Variants in CPNE5 observed in about 807,000 individuals in gnomAD.
CPNE5 encodes the protein copine-5.
CPNE5 carries 42 observed loss-of-function variants against 81.1 expected under a neutral mutation model. That is an observed-to-expected ratio of 0.52 (90% CI 0.40 to 0.67). The LOEUF is 0.67. CPNE5 is among the 30% of genes least tolerant of loss of function. The probability of loss-of-function intolerance (pLI) is 0.00; values close to 1 mark genes in which losing one functional copy is unlikely to be tolerated. For missense variants in CPNE5, 612 were observed against 815.5 expected (o/e 0.75, Z 3.04); for synonymous variants, 313 against 321.5 (o/e 0.97, Z 0.28).
At chr6:36,833,251 T>A (rs373309741) in intron 1 of CPNE5, among the ~76,000 whole-genome samples, 1 of 152,210 alleles carries the variant, frequency 6.6e-6, no homozygotes. Context: ...AGCCTCAATT[T>A]CCTAATCAGC....
chr6:36,774,271 T>C (rs1486335437), intron 10 of CPNE5, among the ~76,000 whole-genome samples: 1 of 151,864 alleles, frequency 6.6e-6, no homozygotes, highest in East Asian at 1.9e-4. Flanking sequence ...GTCCCAACTA[T>C]ATTCAGGAGG....
Position 36,743,208 on chromosome 6 carries a change from T to G in CPNE5, c.1563+481A>C, listed in dbSNP as rs569225384. On this transcript the variant is annotated intron_variant, in intron 20 of 20. Coordinates refer to ENST00000244751, the MANE Select transcript of CPNE5 (RefSeq NM_020939.2). ...GGGGGAAGTGCTTGCGGAGGGTGCATTCTTCCACGTGAGACTGCATGGGAA... is the reference window on the plus strand; with the variant it reads ...GGGGGAAGTGCTTGCGGAGGGTGCAGTCTTCCACGTGAGACTGCATGGGAA... 1,077 of 985,414 alleles carry G rather than the reference T, an allele frequency of 1.1e-3. 2 individuals carry two copies. The highest frequency in any genetic ancestry group is 5.6e-3 in the Admixed American group (92 of 16,292). 61.0% of individuals were successfully genotyped at this position (985,414 alleles called of 1,614,324 possible). A position where few individuals can be genotyped will look rare whatever the true frequency, so the allele number is the denominator to read the frequency against.
Position 36,743,682 on chromosome 6 carries a change from G to T in CPNE5, c.1563+7C>A. The T allele has an allele frequency of 6.2e-7, 1 of 1,613,128 alleles. No homozygotes were observed. Among genetic ancestry groups the T allele is most frequent in the Non-Finnish European group, 8.5e-7 (1 of 1,179,630 alleles). The stretch of plus-strand genomic sequence containing the variant: ...TTCCCATGGGGCAGGCAAGGCCTGG[G>T]CTTCACCTGGACGATGTCGCGTTCA... On this transcript the variant is annotated splice_region_variant and intron_variant, in intron 20 of 20. Coordinates refer to ENST00000244751, the MANE Select transcript of CPNE5 (RefSeq NM_020939.2).
Position 36,746,268 on chromosome 6 carries a change from A to C in CPNE5, c.1200+128T>G. On this transcript the variant is annotated intron_variant, in intron 16 of 20. Transcript: ENST00000244751. This position sits in a 1 kb window ranked among gnomAD's most constrained non-coding sequence, Gnocchi z 4.5. ...TGGAGCCCCCCTACACACAGCAGGC[A>C]GTCTACCTCCACTGAGGCTGAGCCT... 2 of 1,425,466 alleles carry C rather than the reference A, an allele frequency of 1.4e-6. No homozygotes were observed. Among genetic ancestry groups the C allele is most frequent in the South Asian group, 1.5e-5 (1 of 67,800 alleles). The allele number at this position is 1,425,466 out of a possible 1,614,324, so 88.3% of individuals were successfully genotyped here.
In CPNE5 at chr6:36,744,249, A is replaced by G. The variant is rs2150353996; in HGVS notation, c.1489+19T>C. The stretch of plus-strand genomic sequence containing the variant: ...GTGGCTAGGGAAGGAAAGGAGGGGA[A>G]GGCAGCAGCTGGACTCACCGTCGAA... On this transcript the variant is annotated intron_variant, in intron 19 of 20. Coordinates refer to ENST00000244751, the MANE Select transcript of CPNE5 (RefSeq NM_020939.2). The G allele has an allele frequency of 1.9e-6, 3 of 1,567,760 alleles. No homozygotes were observed. Among genetic ancestry groups the G allele is most frequent in the South Asian group, 1.2e-5 (1 of 85,216 alleles).
chr6:36,768,480 C>G (rs1411332873), intron 10 of CPNE5, among the ~76,000 whole-genome samples: 1 of 152,090 alleles, frequency 6.6e-6, no homozygotes, highest in Non-Finnish European at 1.5e-5. Context: ...GATCCGCCCA[C>G]CTTGGCCTCC....
At chr6:36,820,973 T>C (rs1161652045) in intron 3 of CPNE5, among the ~76,000 whole-genome samples, 1 of 145,776 alleles carries the variant, frequency 6.9e-6, no homozygotes, top group South Asian at 2.2e-4. Flanking sequence ...TAAACCAGGG[T>C]ATGGGAGATG....
At chr6:36,764,894 C>T (rs941299289) in intron 11 of CPNE5, among the ~76,000 whole-genome samples, 1 of 152,186 alleles carries the variant, frequency 6.6e-6, no homozygotes, top group Admixed American at 6.5e-5. Flanking sequence ...GAGGGCTGGG[C>T]TCCTCTGCAT....
chr6:36,837,743 G>A (rs1344327510), intron 1 of CPNE5, among the ~76,000 whole-genome samples: 2 of 152,118 alleles, frequency 1.3e-5, no homozygotes, highest in Non-Finnish European at 2.9e-5. Context: ...GTGAAATCTG[G>A]ATGGGGAATG....
chr6:36,777,758 C>A (rs1220385040), intron 9 of CPNE5, among the ~76,000 whole-genome samples: 4 of 75,524 alleles, frequency 5.3e-5, no homozygotes, highest in Admixed American at 2.5e-4. Flanking sequence ...TGCCTACCCC[C>A]CCCCCCACCA....
chr6:36,765,304 C>A (rs779574441), intron 11 of CPNE5, 31 bp downstream of exon 11: 5 of 1,612,674 alleles, frequency 3.1e-6, no homozygotes, highest in South Asian at 2.2e-5. Context: ...TCCCCACTCA[C>A]CTTCTCGCCC....
At chr6:36,779,356 G>T (rs149747689) in intron 8 of CPNE5, among the ~76,000 whole-genome samples, 1 of 152,198 alleles carries the variant, frequency 6.6e-6, no homozygotes, top group Non-Finnish European at 1.5e-5. Context: ...CCCCTTGATG[G>T]ATGTGAACAC....
In CPNE5 at chr6:36,774,955, T is replaced by C; in HGVS notation, c.737+6A>G. On this transcript the variant is annotated splice_donor_region_variant and intron_variant, in intron 10 of 20. Transcript: ENST00000244751. ...GGAAAAAAGAAGGGACATTTTCTCA[T>C]CTCACCGATCGTAGTCGCCGTTGCA... The C allele has an allele frequency of 1.2e-6, 2 of 1,609,464 alleles. No individual in the cohort carries two copies.
chr6:36,821,799 A>G (rs1772076940), intron 3 of CPNE5, among the ~76,000 whole-genome samples: 1 of 152,096 alleles, frequency 6.6e-6, no homozygotes, highest in African/African-American at 2.4e-5. Flanking sequence ...AGCTGCACTC[A>G]CGCCTCCAGC....
chr6:36,822,750 C>T (rs1451149484), intron 2 of CPNE5, among the ~76,000 whole-genome samples: 1 of 152,174 alleles, frequency 6.6e-6, no homozygotes, highest in Non-Finnish European at 1.5e-5. Flanking sequence ...AGTGCTCATC[C>T]CACCAGGTCA....
intron 13 of CPNE5, 139 bp downstream of exon 13, chr6:36,756,106 C>CCCCCCCCCCT: frequency 2.1e-6 from 1 of 484,946 alleles, no homozygotes; most frequent in Non-Finnish European, 3.8e-6. Flanking sequence ...CCACCCCTCC[C>CCCCCCCCCCT]CACCCCATCT....
rs1422278690 is a variant in CPNE5, at chr6:36,746,511, G to A, written c.1085C>T (p.Ala362Val). ...SPYQLNAYAL[A>V]LTAVGEIIQH... Reference sequence around the variant, plus strand: ...GATGATCTCTCCGACGGCAGTCAGCGCCAGCGCGTAGGCGTTCAGCTGGTA... The same window carrying A: ...GATGATCTCTCCGACGGCAGTCAGCACCAGCGCGTAGGCGTTCAGCTGGTA... The change falls in exon 16 of 21, where the codon GCG becomes GTG. Residue 362 changes from alanine (A) to valine (V), a missense_variant. By Grantham distance (64) the Ala-to-Val change is moderately conservative. Transcript: ENST00000244751. This position sits in a 1 kb window ranked among gnomAD's most constrained non-coding sequence, Gnocchi z 4.5. 8 of 1,613,792 alleles carry A rather than the reference G, an allele frequency of 5.0e-6. No individual in the cohort carries two copies. Among genetic ancestry groups the A allele is most frequent in the East Asian group, 4.5e-5 (2 of 44,864 alleles).
At chr6:36,756,115 C>CAA in intron 13 of CPNE5, 130 bp downstream of exon 13, 5 of 385,440 alleles carry the variant, frequency 1.3e-5, no homozygotes, top group East Asian at 8.3e-5. Flanking sequence ...CCCACCCCAT[C>CAA]TCTCTTGGAT....
chr6:36,825,651 C>G (rs916567692), intron 1 of CPNE5, among the ~76,000 whole-genome samples: 11 of 152,194 alleles, frequency 7.2e-5, no homozygotes, highest in African/African-American at 2.7e-4. Context: ...GCAGCAGGGG[C>G]TGCACGTGAG....
Sources: gnomAD v4.1 joint callset for allele counts (sites outside exome capture counted in the v4.1 genomes callset) on GRCh38, gnomAD v4.1.1 for gene constraint, Gnocchi (gnomAD v3.1) non-coding constraint, MANE v1.5 for transcripts, NCBI Gene and HGNC (gene_info 2026-07-23, HGNC 2026-07-21) for gene names.